Variants in SLC20A2 observed in about 807,000 individuals in gnomAD.
The protein encoded by SLC20A2 is sodium-dependent phosphate transporter 2.
SLC20A2 carries 30 observed loss-of-function variants against 61.0 expected under a neutral mutation model. That is an observed-to-expected ratio of 0.49 (90% CI 0.37 to 0.67). The LOEUF is 0.67. SLC20A2 is among the 30% of genes least tolerant of loss of function. The pLI, the probability that SLC20A2 is intolerant of heterozygous loss-of-function variation, is 0.00. For missense variants in SLC20A2, 626 were observed against 866.4 expected (o/e 0.72, Z 3.48); for synonymous variants, 351 against 353.3 (o/e 0.99, Z 0.07).
chr8:42,526,921 T>C (rs1446210233), intron 1 of SLC20A2, among the ~76,000 whole-genome samples: 1 of 151,712 alleles, frequency 6.6e-6, no homozygotes, highest in Non-Finnish European at 1.5e-5. Context: ...CTGAGCAACA[T>C]AGCAGGACCC....
chr8:42,493,014 G>C (rs1809643638), intron 1 of SLC20A2, among the ~76,000 whole-genome samples: 1 of 152,216 alleles, frequency 6.6e-6, no homozygotes, highest in African/African-American at 2.4e-5. Flanking sequence ...TCTTAGTCCT[G>C]TTGAAAGCAG....
chr8:42,436,946 A>C (rs1375000473), intron 8 of SLC20A2, 43 bp downstream of exon 8: 2 of 1,526,266 alleles, frequency 1.3e-6, no homozygotes, highest in Admixed American at 1.9e-5. Flanking sequence ...CCCCTGGCGG[A>C]GCCTCAAGGA....
In SLC20A2 at chr8:42,521,450, G is replaced by T. The variant is rs1252952997; in HGVS notation, c.-265+20371C>A. 1.7e-5 allele frequency among the ~76,000 whole-genome samples: 2 copies of T among 120,744 alleles called. 1 individual carries two copies. The highest frequency in any genetic ancestry group is 4.0e-5 in the Non-Finnish European group (2 of 50,192). The allele number at this position is 120,744 out of a possible 152,430, so 79.2% of individuals were successfully genotyped here. On this transcript the variant is annotated intron_variant, in intron 1 of 10. Transcript: ENST00000342228. Reference sequence around the variant, plus strand: ...CCAGCAGTTAGGGGCTTGCTATAAAGGGGTAGCAAAGGGAAAGCCTTGGGG... The same window carrying T: ...CCAGCAGTTAGGGGCTTGCTATAAATGGGTAGCAAAGGGAAAGCCTTGGGG...
intron 1 of SLC20A2, among the ~76,000 whole-genome samples, chr8:42,531,197 G>C (rs1340861460): frequency 6.6e-6 from 1 of 152,190 alleles, no homozygotes; most frequent in Non-Finnish European, 1.5e-5. Context: ...GCTGGACCTA[G>C]CACATCTACA....
chr8:42,475,364 T>C (rs1807990073), intron 1 of SLC20A2, among the ~76,000 whole-genome samples: 1 of 151,508 alleles, frequency 6.6e-6, no homozygotes, highest in Non-Finnish European at 1.5e-5. Flanking sequence ...CCTCCCAAAG[T>C]GCTGGGATCA....
At chr8:42,456,840 T>C (rs1197215046) in intron 5 of SLC20A2, among the ~76,000 whole-genome samples, 2 of 152,136 alleles carry the variant, frequency 1.3e-5, no homozygotes, top group African/African-American at 2.4e-5. Flanking sequence ...ATGAGATGTT[T>C]GAGGGATTCA....
intron 1 of SLC20A2, chr8:42,541,737 T>C (rs1473084344): frequency 6.8e-6 from 1 of 146,708 alleles, no homozygotes; most frequent in Non-Finnish European, 1.5e-5. Context: ...CTTCTCCCGG[T>C]CCCCGGCGGG....
intron 2 of SLC20A2, among the ~76,000 whole-genome samples, chr8:42,470,833 G>A (rs1807576360): frequency 6.6e-6 from 1 of 151,970 alleles, no homozygotes; most frequent in South Asian, 2.1e-4. Flanking sequence ...AATTAGCCAG[G>A]TGCGGTGGCA....
At chr8:42,504,852 C>CA (rs771127709), upstream of SLC20A2, among the ~76,000 whole-genome samples, 1,244 of 16,472 alleles carry the variant, frequency 0.076, 412 homozygotes, top group East Asian at 0.11. Flanking sequence ...GACTCCGTCT[C>CA]AAAAAAAAAA....
intron 1 of SLC20A2, among the ~76,000 whole-genome samples, chr8:42,485,429 G>C (rs1327925443): frequency 6.6e-6 from 1 of 150,642 alleles, no homozygotes; most frequent in Non-Finnish European, 1.5e-5. Flanking sequence ...ATCGCCTGAG[G>C]TCAGGAGTTC....
At chr8:42,538,132 T>C (rs2131460929) in intron 1 of SLC20A2, 1 of 152,088 alleles carries the variant, frequency 6.6e-6, no homozygotes, top group African/African-American at 2.4e-5. Flanking sequence ...CTAACTAAAA[T>C]ATAACCTACC....
At chr8:42,538,170 C>A (rs1438560909) in intron 1 of SLC20A2, 1 of 150,828 alleles carries the variant, frequency 6.6e-6, no homozygotes, top group Admixed American at 6.6e-5. Flanking sequence ...TGTTTCCCCA[C>A]GGTATGTAAC....
At chr8:42,532,215 CG>C (rs890136397) in intron 1 of SLC20A2, among the ~76,000 whole-genome samples, 3 of 152,102 alleles carry the variant, frequency 2.0e-5, no homozygotes, top group Non-Finnish European at 4.4e-5. Flanking sequence ...AGCTAGTTAA[CG>C]GAAGTACTGA....
intron 2 of SLC20A2, among the ~76,000 whole-genome samples, chr8:42,471,704 C>T (rs1807652764): frequency 6.6e-6 from 1 of 152,040 alleles, no homozygotes; most frequent in Non-Finnish European, 1.5e-5. Flanking sequence ...TGATGAAAAA[C>T]CTTAAGAAAA....
intron 5 of SLC20A2, among the ~76,000 whole-genome samples, chr8:42,457,914 T>C (rs1222840882): frequency 1.3e-5 from 2 of 152,218 alleles, no homozygotes; most frequent in African/African-American, 4.8e-5. Context: ...TAATTAGATA[T>C]TCTTAATAAA....
intron 1 of SLC20A2, among the ~76,000 whole-genome samples, chr8:42,518,044 G>A (rs1483687723): frequency 1.3e-5 from 2 of 152,166 alleles, no homozygotes; most frequent in Non-Finnish European, 2.9e-5. Context: ...AGGTTCAAGC[G>A]ATTCTCCTGC....
intron 5 of SLC20A2, among the ~76,000 whole-genome samples, chr8:42,457,631 C>G (rs570777615): frequency 7.2e-5 from 11 of 152,032 alleles, no homozygotes; most frequent in East Asian, 1.9e-4. Context: ...GGACTACAGG[C>G]GCGCACCATC....
chr8:42,431,379 A>C (rs918219538), intron 8 of SLC20A2, among the ~76,000 whole-genome samples: 1 of 152,234 alleles, frequency 6.6e-6, no homozygotes, highest in Non-Finnish European at 1.5e-5. Flanking sequence ...AGTTCTCTTC[A>C]ATTCTGTGAA....
intron 1 of SLC20A2, among the ~76,000 whole-genome samples, chr8:42,482,956 G>T (rs1368307428): frequency 1.3e-5 from 2 of 152,160 alleles, no homozygotes; most frequent in Non-Finnish European, 2.9e-5. Flanking sequence ...TGAGGCAGGA[G>T]AGTCGCTTGA....
Sources: gnomAD v4.1 joint callset for allele counts (sites outside exome capture counted in the v4.1 genomes callset) on GRCh38, gnomAD v4.1.1 for gene constraint, MANE v1.5 for transcripts, NCBI Gene and HGNC (gene_info 2026-07-23, HGNC 2026-07-21) for gene names.